ACSL6: variants seen among roughly 807,000 people sequenced by gnomAD.
ACSL6 encodes acyl-CoA synthetase long chain family member 6, also known as long-chain-fatty-acid--CoA ligase 6.
Under a neutral mutation model 98.2 loss-of-function variants are expected in ACSL6, and 47 were observed. The ratio of observed to expected loss-of-function variants is 0.48; its 90% CI spans 0.38 to 0.61. The LOEUF (loss-of-function observed/expected upper bound fraction) is 0.61, where lower values mean the gene tolerates loss of function less well. ACSL6 is among the 20% of genes least tolerant of loss of function. The pLI is 0.00. For missense variants in ACSL6, 761 were observed against 913.4 expected, an observed-to-expected ratio of 0.83 and a Z score of 2.15; for synonymous variants, 362 against 336.9, an observed-to-expected ratio of 1.07 and a Z score of -0.82.
intron 3 of ACSL6, 64 bp from the exon 4 acceptor site, chr5:131,990,228 G>T: frequency 1.3e-6 from 2 of 1,539,266 alleles, no homozygotes. Context: ...ACCTGCATCC[G>T]CCCATCAGAA....
intron 1 of ACSL6, among the ~76,000 whole-genome samples, chr5:132,005,592 C>T (rs2126961374): frequency 6.6e-6 from 1 of 152,358 alleles, no homozygotes; most frequent in Non-Finnish European, 1.5e-5. Flanking sequence ...CTGTCTCTCC[C>T]AGTGACATTT....
chr5:131,978,214 A>G (rs1192593591), intron 9 of ACSL6, among the ~76,000 whole-genome samples: 5 of 152,372 alleles, frequency 3.3e-5, no homozygotes, highest in Middle Eastern at 3.4e-3. Context: ...CCAGTTTGCC[A>G]GGGCAAAATG....
chr5:131,963,231 T>C (rs1199556017), intron 17 of ACSL6, among the ~76,000 whole-genome samples: 1 of 152,166 alleles, frequency 6.6e-6, no homozygotes, highest in East Asian at 1.9e-4. Context: ...CCCAGGCCCC[T>C]GTAGGACTTC....
intron 1 of ACSL6, among the ~76,000 whole-genome samples, chr5:131,998,361 C>T (rs1180193910): frequency 6.6e-6 from 1 of 152,212 alleles, no homozygotes; most frequent in Non-Finnish European, 1.5e-5. Flanking sequence ...ACATCTTTTT[C>T]TCCAGCACAG....
intron 5 of ACSL6, among the ~76,000 whole-genome samples, 156 bp from the exon 6 acceptor site, chr5:131,989,060 C>G (rs1201848626): frequency 1.3e-5 from 2 of 152,228 alleles, no homozygotes; most frequent in Non-Finnish European, 2.9e-5. Context: ...CCACAGCCTT[C>G]TGGACCAGGC....
chr5:131,985,243 C>T, intron 9 of ACSL6, 164 bp downstream of exon 9: 2 of 808,054 alleles, frequency 2.5e-6, no homozygotes, highest in Non-Finnish European at 2.0e-6. Context: ...CACTCTTATG[C>T]AGGGCACTGG....
At position 131,970,192 on chromosome 5, in the gene ACSL6, T is replaced by C; in HGVS notation, c.1443A>G (p.Glu481=). 4.3e-6 allele frequency: 7 copies of C among 1,613,912 alleles called. No individual in the cohort carries two copies. Among genetic ancestry groups the C allele is most frequent in the Non-Finnish European group, 5.9e-6 (7 of 1,179,966 alleles). Residue 481 remains glutamate, a synonymous_variant, in exon 15 of 21, where the codon GAA becomes GAG. Coordinates refer to ENST00000651883, the MANE Select transcript of ACSL6 (RefSeq NM_001009185.3). ...LRAALGCQVY[E]GYGQTECTAG... ...CTGTGCACTCAGTTTGGCCATAACC[T>C]TCATAAACCTTCAAACAAAACACAG...
intron 1 of ACSL6, among the ~76,000 whole-genome samples, chr5:132,010,512 C>T (rs1272341829): frequency 1.3e-5 from 2 of 152,186 alleles, no homozygotes; most frequent in African/African-American, 4.8e-5. Flanking sequence ...GGTCAACTTC[C>T]TCCCCTTCCT....
chr5:131,975,469 C>T, intron 10 of ACSL6: 1 of 985,460 alleles, frequency 1.0e-6, no homozygotes. Context: ...GGCTAGTCAG[C>T]ACTTTCTAGT....
At chr5:131,992,310 G>A (rs577987345) in intron 2 of ACSL6, among the ~76,000 whole-genome samples, 115 of 152,282 alleles carry the variant, frequency 7.6e-4, no homozygotes, top group African/African-American at 2.5e-3. Context: ...GCCAGGAAAG[G>A]GTTTTAGGCC....
chr5:132,012,023 C>T, upstream of ACSL6: 1 of 1,416,928 alleles, frequency 7.1e-7, no homozygotes, highest in South Asian at 1.4e-5. Context: ...CGACCCTGCC[C>T]CCGCGCGACT....
Position 131,972,892 on chromosome 5 carries a change from C to G in ACSL6, c.1204-34G>C, listed in dbSNP as rs766248100. The G allele has an allele frequency of 5.6e-6, 9 of 1,613,650 alleles. 1 individual carries two copies. Among genetic ancestry groups the G allele is most frequent in the African/African-American group, 2.7e-5 (2 of 74,850 alleles). ...CATAAGTTGGAAGCAGCTGTCAGAG[C>G]CTGAATGTCTCATTTCTAGATATAT... On this transcript the variant is annotated intron_variant, in intron 12 of 20. Transcript: ENST00000651883.
chr5:131,973,038 T>A (rs1048052690), intron 12 of ACSL6, among the ~76,000 whole-genome samples, 180 bp from the exon 13 acceptor site: 1 of 152,190 alleles, frequency 6.6e-6, no homozygotes, highest in Non-Finnish European at 1.5e-5. Flanking sequence ...CCAGGCATGC[T>A]GTGAAGATGG....
chr5:132,007,318 C>T lies in ACSL6; in HGVS notation c.49+4187G>A, dbSNP rs78965285. Among the ~76,000 whole-genome samples, 35 of 152,366 alleles carry T rather than the reference C, an allele frequency of 2.3e-4. No individual in the cohort carries two copies. In the East Asian group the frequency reaches 6.7e-3, roughly 29 times the overall value. ...ACCTCACTGGCCCAGCAGAATTGGT[C>T]CTTCAACTTCATTCAGTCCTATTGC... On this transcript the variant is annotated intron_variant, in intron 1 of 20. Transcript: ENST00000651883.
intron 14 of ACSL6, among the ~76,000 whole-genome samples, chr5:131,970,643 T>A (rs1753256466): frequency 6.6e-6 from 1 of 152,198 alleles, no homozygotes; most frequent in Admixed American, 6.5e-5. Context: ...TCTCCTGACC[T>A]CGTGATCCAC....
intron 10 of ACSL6, chr5:131,975,181 G>C (rs1408002405): frequency 7.1e-7 from 1 of 1,404,768 alleles, no homozygotes; most frequent in Non-Finnish European, 9.3e-7. Flanking sequence ...GGAAGGTGCA[G>C]AAAGAAGAGA....
intron 3 of ACSL6, 149 bp from the exon 4 acceptor site, chr5:131,990,313 T>C (rs1326486930): frequency 1.4e-6 from 1 of 726,278 alleles, no homozygotes; most frequent in African/African-American, 1.7e-5. Context: ...CAGCTACCTG[T>C]CTAATCTGCT....
At chr5:132,003,698 C>T (rs532278316) in intron 1 of ACSL6, 1 of 152,404 alleles carries the variant, frequency 6.6e-6, no homozygotes, top group South Asian at 2.1e-4. Flanking sequence ...GTTGTTCACA[C>T]TGACCCACTA....
chr5:131,990,223 C>T, intron 3 of ACSL6, 59 bp from the exon 4 acceptor site: 1 of 1,556,118 alleles, frequency 6.4e-7, no homozygotes, highest in Non-Finnish European at 8.8e-7. Flanking sequence ...GTGCCACCTG[C>T]ATCCGCCCAT....
Sources: allele counts gnomAD v4.1 joint callset (sites outside exome capture counted in the v4.1 genomes callset), GRCh38; gene constraint gnomAD v4.1.1; transcripts MANE v1.5; gene names NCBI Gene and HGNC (gene_info 2026-07-23, HGNC 2026-07-21).